The following SAMSN1 variants were observed in gnomAD, a reference collection of about 807,000 sequenced individuals.
SAMSN1 encodes SAM domain, SH3 domain and nuclear localization signals 1.
Under a neutral mutation model 42.0 loss-of-function variants are expected in SAMSN1, and 31 were observed. The ratio of observed to expected loss-of-function variants is 0.74; its 90% CI spans 0.55 to 1.00. The LOEUF is 1.00. Ranked by LOEUF, SAMSN1 falls within the 50% of genes least tolerant of loss-of-function variation. The pLI is 0.00. For synonymous variants in SAMSN1, 178 were observed against 151.9 expected (o/e 1.17, Z -1.26); for missense variants, 464 against 439.4 (o/e 1.06, Z -0.50).
chr21:14,650,482 G>T (rs1037235828), intron 1 of SAMSN1, among the ~76,000 whole-genome samples: 1 of 151,944 alleles, frequency 6.6e-6, no homozygotes, highest in Non-Finnish European at 1.5e-5. Flanking sequence ...TTTCTTGAAA[G>T]AAATGATAAC....
chr21:14,546,115 T>C lies in SAMSN1; in HGVS notation c.57+90A>G, dbSNP rs1201415968. ...CTATGTTTGACTTATGACTGACAGA[T>C]GAGAACATTGTATGTGTTCAAACAC... On this transcript the variant is annotated intron_variant, in intron 1 of 7. Transcript: ENST00000400566. 5.1e-5 allele frequency: 58 copies of C among 1,148,292 alleles called. No homozygotes were observed. The South Asian group carries it at 7.8e-4, about 15-fold the overall frequency. 71.1% of individuals were successfully genotyped at this position (1,148,292 alleles called of 1,614,324 possible). A position where few individuals can be genotyped will look rare whatever the true frequency, so the allele number is the denominator to read the frequency against.
At chr21:14,569,466 T>G (rs1372047679) in intron 2 of SAMSN1, among the ~76,000 whole-genome samples, 1 of 152,158 alleles carries the variant, frequency 6.6e-6, no homozygotes, top group East Asian at 1.9e-4. Context: ...ACAAAAAAAT[T>G]AGTGCTGATG....
intron 2 of SAMSN1, among the ~76,000 whole-genome samples, chr21:14,619,830 T>C (rs148144418): frequency 5.1e-4 from 78 of 152,124 alleles, no homozygotes; most frequent in Non-Finnish European, 9.0e-4. Context: ...AGACAAAAGG[T>C]ATGATCTGAT....
At chr21:14,616,086 T>A in intron 2 of SAMSN1, 1 of 454,304 alleles carries the variant, frequency 2.2e-6, no homozygotes, top group Non-Finnish European at 4.1e-6. Flanking sequence ...TATCAAGAGA[T>A]CTGAAAGAGA....
chr21:14,518,888 T>C (rs1988034361), intron 2 of SAMSN1, among the ~76,000 whole-genome samples: 1 of 152,200 alleles, frequency 6.6e-6, no homozygotes, highest in East Asian at 1.9e-4. Context: ...AAACTTTCTC[T>C]GTCTTCATTA....
chr21:14,654,784 T>C (rs377022224), intron 1 of SAMSN1, among the ~76,000 whole-genome samples: 45 of 151,950 alleles, frequency 3.0e-4, no homozygotes, highest in Middle Eastern at 3.4e-3. Flanking sequence ...TGGTTTTTAA[T>C]TGGGGCATCA....
At chr21:14,603,234 A>G (rs1982481251) in intron 5 of SAMSN1, among the ~76,000 whole-genome samples, 1 of 152,188 alleles carries the variant, frequency 6.6e-6, no homozygotes, top group Non-Finnish European at 1.5e-5. Flanking sequence ...ACCTTTTTAC[A>G]GGAATTTTGA....
chr21:14,591,681 G>C (rs965910435), intron 7 of SAMSN1, among the ~76,000 whole-genome samples: 5 of 152,274 alleles, frequency 3.3e-5, no homozygotes, highest in African/African-American at 1.2e-4. Flanking sequence ...TGCTTGGCTA[G>C]AGGATTAGCA....
intron 1 of SAMSN1, among the ~76,000 whole-genome samples, chr21:14,652,928 G>T (rs1439047642): frequency 6.6e-6 from 1 of 152,054 alleles, no homozygotes; most frequent in Non-Finnish European, 1.5e-5. Flanking sequence ...ACAGGCATGT[G>T]AAAAAGTGCT....
At chr21:14,617,605 G>A (rs1982875184) in intron 2 of SAMSN1, among the ~76,000 whole-genome samples, 1 of 152,194 alleles carries the variant, frequency 6.6e-6, no homozygotes, top group South Asian at 2.1e-4. Flanking sequence ...AGTCTCATTA[G>A]TTTGTCGTAT....
chr21:14,586,045 A>G (rs181091671), upstream of SAMSN1, among the ~76,000 whole-genome samples: 3 of 152,092 alleles, frequency 2.0e-5, no homozygotes, highest in Admixed American at 2.0e-4. Flanking sequence ...TGGGCGGATC[A>G]TGAGGTCAGG....
At position 14,623,915 on chromosome 21, in the gene SAMSN1, T is replaced by C. The variant is rs1279664878; in HGVS notation, c.157-7899A>G. ...AGCAAATGTAAAAGAAAAGAAATTA[T>C]AACAAACTGTCTCTCAGACCACAGA... On this transcript the variant is annotated intron_variant, in intron 2 of 15. Coordinates refer to the SAMSN1 transcript ENST00000647101. 3.3e-5 allele frequency among the ~76,000 whole-genome samples: 5 copies of C among 152,296 alleles called. No individual in the cohort carries two copies. The South Asian group carries it at 1.0e-3, about 32-fold the overall frequency.
intron 7 of SAMSN1, among the ~76,000 whole-genome samples, chr21:14,494,387 AG>A (rs374582886): frequency 1.2e-4 from 18 of 152,250 alleles, no homozygotes; most frequent in African/African-American, 4.3e-4. Flanking sequence ...GCCATAAAAA[AG>A]GATGAGTTTA....
At chr21:14,577,467 C>A (rs1981544849) in intron 2 of SAMSN1, among the ~76,000 whole-genome samples, 1 of 150,806 alleles carries the variant, frequency 6.6e-6, no homozygotes, top group Non-Finnish European at 1.5e-5. Context: ...CTGAAAAAGT[C>A]TCCCAGATTT....
intron 2 of SAMSN1, among the ~76,000 whole-genome samples, chr21:14,561,063 G>A (rs1276025629): frequency 6.6e-6 from 1 of 152,094 alleles, no homozygotes; most frequent in Non-Finnish European, 1.5e-5. Flanking sequence ...GTAGCCAGAG[G>A]TTACAATATT....
chr21:14,631,169 T>C (rs1983318113), intron 2 of SAMSN1, among the ~76,000 whole-genome samples: 2 of 152,210 alleles, frequency 1.3e-5, no homozygotes, highest in African/African-American at 2.4e-5. Flanking sequence ...TAAGCTTAAA[T>C]CTCATGTTCT....
intron 1 of SAMSN1, among the ~76,000 whole-genome samples, chr21:14,534,434 CTG>C (rs1010569702): frequency 8.5e-5 from 13 of 152,088 alleles, no homozygotes; most frequent in Admixed American, 1.3e-4. Flanking sequence ...TACTGAAAAA[CTG>C]TGAGTTTAAA....
At chr21:14,521,301 G>T in intron 1 of SAMSN1, 80 bp from the exon 2 acceptor site, 1 of 912,724 alleles carries the variant, frequency 1.1e-6, no homozygotes, top group Non-Finnish European at 1.7e-6. Flanking sequence ...TTAGATTATA[G>T]TTTAATAAGC....
intron 7 of SAMSN1, chr21:14,593,681 A>G (rs963878498): frequency 1.6e-5 from 3 of 190,944 alleles, no homozygotes; most frequent in African/African-American, 7.0e-5. Flanking sequence ...TCCCAGAAAC[A>G]TGGGATAACA....
Sources: gnomAD v4.1 joint callset for allele counts (sites outside exome capture counted in the v4.1 genomes callset) on GRCh38, gnomAD v4.1.1 for gene constraint, MANE v1.5 for transcripts, NCBI Gene and HGNC (gene_info 2026-07-23, HGNC 2026-07-21) for gene names.